The following CACNA2D3 variants were observed in gnomAD, a reference collection of about 807,000 sequenced individuals.
The protein encoded by CACNA2D3 is calcium voltage-gated channel auxiliary subunit alpha2delta 3.
CACNA2D3 carries 60 observed loss-of-function variants against 160.6 expected under a neutral mutation model. The ratio of observed to expected loss-of-function variants is 0.37; its 90% CI spans 0.30 to 0.46. CACNA2D3 has a LOEUF of 0.46. Ranked by LOEUF, CACNA2D3 falls within the 20% of genes least tolerant of loss-of-function variation. The pLI, the probability that CACNA2D3 is intolerant of heterozygous loss-of-function variation, is 1.00. For synonymous variants in CACNA2D3, 558 were observed against 492.9 expected, an observed-to-expected ratio of 1.13 and a Z score of -1.75; for missense variants, 1,205 against 1,365.0, an observed-to-expected ratio of 0.88 and a Z score of 1.85.
intron 27 of CACNA2D3, among the ~76,000 whole-genome samples, chr3:54,967,476 G>A (rs988336612): frequency 2.0e-5 from 3 of 152,158 alleles, no homozygotes; most frequent in Middle Eastern, 3.2e-3. Flanking sequence ...AGAAAGAAAT[G>A]TGGAAGGACA....
intron 9 of CACNA2D3, among the ~76,000 whole-genome samples, chr3:54,625,350 A>C (rs1699074608): frequency 6.6e-6 from 1 of 152,248 alleles, no homozygotes. Flanking sequence ...GAAGAAGGGC[A>C]TTAGAGTAGG....
chr3:54,561,674 TG>T (rs1702327312), intron 5 of CACNA2D3, among the ~76,000 whole-genome samples: 1 of 152,226 alleles, frequency 6.6e-6, no homozygotes, highest in Non-Finnish European at 1.5e-5. Flanking sequence ...GAGTTGTCTT[TG>T]GGCTACCATA....
intron 17 of CACNA2D3, among the ~76,000 whole-genome samples, chr3:54,850,827 A>T (rs920233443): frequency 2.0e-5 from 3 of 152,236 alleles, no homozygotes; most frequent in Admixed American, 6.5e-5. Context: ...ATGAGGAAGG[A>T]TGCTGTAGGG....
At position 54,533,821 on chromosome 3, in the gene CACNA2D3, GTGTGTGT is replaced by G. The variant is rs1309835181; in HGVS notation, c.545-28977_545-28971del. On this transcript the variant is annotated intron_variant, in intron 5 of 37. Coordinates refer to ENST00000474759, the MANE Select transcript of CACNA2D3 (RefSeq NM_018398.3). ...TGTGTGTGTGTGTGTGTGTGTGTGTGTGTGTGTTAATAGGGTGTGTAAATGTTGAAGC... is the reference window on the plus strand; with the variant it reads ...TGTGTGTGTGTGTGTGTGTGTGTGTGTAATAGGGTGTGTAAATGTTGAAGC... 1.0e-4 allele frequency among the ~76,000 whole-genome samples: 13 copies of G among 130,106 alleles called. No homozygotes were observed. The South Asian group carries it at 1.9e-3, about 20-fold the overall frequency. The allele number at this position is 130,106 out of a possible 152,430, so 85.4% of individuals were successfully genotyped here. A position where few individuals can be genotyped will look rare whatever the true frequency, so the allele number is the denominator to read the frequency against.
chr3:54,367,011 G>A (rs1371631657), intron 3 of CACNA2D3, among the ~76,000 whole-genome samples: 5 of 152,168 alleles, frequency 3.3e-5, no homozygotes, highest in South Asian at 2.1e-4. Context: ...ATGTTGTGGC[G>A]GGAATCCAGG....
intron 9 of CACNA2D3, among the ~76,000 whole-genome samples, chr3:54,613,371 T>G (rs1311849627): frequency 6.6e-6 from 1 of 152,264 alleles, no homozygotes; most frequent in Non-Finnish European, 1.5e-5. Context: ...ATCTTAATTT[T>G]CTGTAATGGG....
At chr3:54,997,994 G>A (rs1702896072) in intron 31 of CACNA2D3, among the ~76,000 whole-genome samples, 1 of 152,250 alleles carries the variant, frequency 6.6e-6, no homozygotes, top group Non-Finnish European at 1.5e-5. Flanking sequence ...TAATAATCCA[G>A]CCCCTTTGAT....
chr3:54,673,537 T>A (rs1164360829), intron 11 of CACNA2D3, among the ~76,000 whole-genome samples: 1 of 152,194 alleles, frequency 6.6e-6, no homozygotes, highest in African/African-American at 2.4e-5. Context: ...ATTAGTGAAA[T>A]CTGTAAGTCT....
At chr3:54,473,259 C>G (rs561026207) in intron 4 of CACNA2D3, among the ~76,000 whole-genome samples, 4 of 152,226 alleles carry the variant, frequency 2.6e-5, no homozygotes, top group African/African-American at 4.8e-5. Context: ...CTTTGACAAA[C>G]CTGACAAAAA....
chr3:54,274,051 T>C (rs2107454402), intron 2 of CACNA2D3, among the ~76,000 whole-genome samples: 1 of 152,250 alleles, frequency 6.6e-6, no homozygotes, highest in Admixed American at 6.5e-5. Context: ...CATAGTATAC[T>C]ACAGTGTGTC....
chr3:54,573,894 C>T (rs1702539807), intron 8 of CACNA2D3, among the ~76,000 whole-genome samples: 1 of 152,152 alleles, frequency 6.6e-6, no homozygotes, highest in Admixed American at 6.5e-5. Context: ...CCTTCTGTTT[C>T]TGCCCTGACA....
At chr3:54,977,991 A>G (rs2107088983) in intron 29 of CACNA2D3, among the ~76,000 whole-genome samples, 1 of 152,270 alleles carries the variant, frequency 6.6e-6, no homozygotes, top group African/African-American at 2.4e-5. Flanking sequence ...CGTATAGGGT[A>G]TCTTCCTGAC....
At chr3:54,277,856 T>C (rs557602256) in intron 2 of CACNA2D3, among the ~76,000 whole-genome samples, 27 of 152,304 alleles carry the variant, frequency 1.8e-4, no homozygotes, top group African/African-American at 6.5e-4. Context: ...CCCTTGTAAG[T>C]TGTATTCCTA....
At chr3:54,136,240 A>G (rs1002068069) in intron 2 of CACNA2D3, among the ~76,000 whole-genome samples, 2 of 152,252 alleles carry the variant, frequency 1.3e-5, no homozygotes, top group Non-Finnish European at 2.9e-5. Flanking sequence ...CATTATCTGT[A>G]TAAGTGAAGC....
chr3:54,135,391 T>C (rs975567990), intron 2 of CACNA2D3, among the ~76,000 whole-genome samples: 1 of 152,138 alleles, frequency 6.6e-6, no homozygotes, highest in African/African-American at 2.4e-5. Flanking sequence ...TCAAGTGAGT[T>C]TGGGTTGTTT....
At chr3:54,164,889 A>T (rs1414725204) in intron 2 of CACNA2D3, among the ~76,000 whole-genome samples, 2 of 152,192 alleles carry the variant, frequency 1.3e-5, no homozygotes, top group African/African-American at 4.8e-5. Flanking sequence ...GATTCCTCTC[A>T]GGCTGCTTGT....
chr3:54,465,110 T>G (rs1700596929), intron 4 of CACNA2D3, among the ~76,000 whole-genome samples: 1 of 151,970 alleles, frequency 6.6e-6, no homozygotes, highest in Non-Finnish European at 1.5e-5. Flanking sequence ...CATTCAGACA[T>G]TGTTTTTCTG....
At chr3:55,067,103 G>GGT (rs770618246) in intron 35 of CACNA2D3, among the ~76,000 whole-genome samples, 2 of 151,378 alleles carry the variant, frequency 1.3e-5, no homozygotes, top group Admixed American at 6.6e-5. Context: ...TTTTGTAGCG[G>GGT]GGGGGGCTTT....
At chr3:54,144,791 T>A (rs1699996066) in intron 2 of CACNA2D3, among the ~76,000 whole-genome samples, 1 of 152,230 alleles carries the variant, frequency 6.6e-6, no homozygotes, top group South Asian at 2.1e-4. Flanking sequence ...ATAATACATG[T>A]CAAGAGTTTA....
Sources: allele counts gnomAD v4.1 joint callset (sites outside exome capture counted in the v4.1 genomes callset), GRCh38; gene constraint gnomAD v4.1.1; transcripts MANE v1.5; gene names NCBI Gene and HGNC (gene_info 2026-07-23, HGNC 2026-07-21).